The following CABIN1 variants were observed in gnomAD, a reference collection of about 807,000 sequenced individuals.
CABIN1 encodes the protein calcineurin binding protein 1.
In CABIN1, 133 loss-of-function variants were observed where a neutral mutation model predicts 227.7. The ratio of observed to expected loss-of-function variants is 0.58; its 90% CI spans 0.51 to 0.67. The LOEUF is 0.67. Among genes scored for constraint, CABIN1 ranks in the 30% least tolerant of loss-of-function variants. The probability of loss-of-function intolerance (pLI) is 0.00; values close to 1 mark genes in which losing one functional copy is unlikely to be tolerated. For missense variants in CABIN1, 2,408 were observed against 2,852.5 expected (o/e 0.84, Z 3.55); for synonymous variants, 1,086 against 1,155.1 (o/e 0.94, Z 1.21).
At chr22:24,039,777 A>G (rs965739236) in intron 4 of CABIN1, among the ~76,000 whole-genome samples, 6 of 152,284 alleles carry the variant, frequency 3.9e-5, no homozygotes, top group African/African-American at 1.4e-4. Context: ...AAGGGACAAC[A>G]TGCTCATTGT....
At chr22:24,103,834 A>G (rs2042353221) in intron 26 of CABIN1, among the ~76,000 whole-genome samples, 1 of 152,120 alleles carries the variant, frequency 6.6e-6, no homozygotes, top group Non-Finnish European at 1.5e-5. Context: ...TGGTGCCTTG[A>G]TTCCTGCTCC....
intron 24 of CABIN1, 53 bp downstream of exon 24, chr22:24,091,896 C>T: frequency 6.2e-7 from 1 of 1,601,336 alleles, no homozygotes; most frequent in Non-Finnish European, 8.5e-7. Context: ...AGGCTGGTTT[C>T]TTTATCTCCC....
intron 29 of CABIN1, among the ~76,000 whole-genome samples, chr22:24,139,711 A>G (rs1211474838): frequency 6.6e-6 from 1 of 152,144 alleles, no homozygotes; most frequent in East Asian, 1.9e-4. Context: ...GGACACATGT[A>G]TGGGCCCAGT....
At chr22:24,146,046 T>A (rs931183949) in intron 29 of CABIN1, among the ~76,000 whole-genome samples, 1 of 152,116 alleles carries the variant, frequency 6.6e-6, no homozygotes, top group African/African-American at 2.4e-5. Context: ...ATCACTAAGA[T>A]TAACTGAGGT....
At chr22:24,129,510 G>A (rs1302309630) in intron 28 of CABIN1, among the ~76,000 whole-genome samples, 1 of 152,178 alleles carries the variant, frequency 6.6e-6, no homozygotes, top group South Asian at 2.1e-4. Flanking sequence ...CCTGACATAC[G>A]CTTCCTTCCC....
chr22:24,139,551 G>A (rs1342309941), intron 29 of CABIN1, among the ~76,000 whole-genome samples: 1 of 150,640 alleles, frequency 6.6e-6, no homozygotes. Flanking sequence ...GGGCGACAGA[G>A]CAAGACTCCG....
At chr22:24,130,449 T>G (rs1451171708) in intron 28 of CABIN1, among the ~76,000 whole-genome samples, 1 of 152,164 alleles carries the variant, frequency 6.6e-6, no homozygotes, top group Non-Finnish European at 1.5e-5. Context: ...CTCTTGAATT[T>G]CTCTGAGCCT....
Position 24,064,083 on chromosome 22 carries a change from C to T in CABIN1, c.1933C>T (p.Leu645Phe). The change falls in exon 15 of 37, where the codon CTC becomes TTC. Residue 645 changes from leucine (L) to phenylalanine (F), a missense_variant. Coordinates refer to ENST00000263119, the MANE Select transcript of CABIN1 (RefSeq NM_012295.4). ...LENYDICTEM[L>F]QSSTAIQVEA... Reference sequence around the variant, plus strand: ...GAACTATGACATCTGCACAGAAATGCTCCAGAGTTCCACCGCCATCCAGGT... The same window carrying T: ...GAACTATGACATCTGCACAGAAATGTTCCAGAGTTCCACCGCCATCCAGGT... The T allele has an allele frequency of 6.2e-7, 1 of 1,614,178 alleles. No individual in the cohort carries two copies. The highest frequency in any genetic ancestry group is 8.5e-7 in the Non-Finnish European group (1 of 1,180,024).
intron 2 of CABIN1, among the ~76,000 whole-genome samples, chr22:24,035,726 GA>G (rs1368839380): frequency 5.3e-5 from 8 of 152,058 alleles, no homozygotes; most frequent in African/African-American, 1.9e-4. Context: ...ACAGTTGCTG[GA>G]AAGACATAAA....
chr22:24,092,988 C>T (rs1204068456), intron 24 of CABIN1, among the ~76,000 whole-genome samples: 1 of 152,182 alleles, frequency 6.6e-6, no homozygotes, highest in Non-Finnish European at 1.5e-5. Context: ...TGTTTATCTG[C>T]ACGGACCCTT....
At chr22:24,117,318 CA>C (rs2043143312) in intron 27 of CABIN1, among the ~76,000 whole-genome samples, 1 of 152,214 alleles carries the variant, frequency 6.6e-6, no homozygotes, top group South Asian at 2.1e-4. Flanking sequence ...CCTCCTGCCT[CA>C]GCCTCCCGAG....
chr22:24,107,713 A>G (rs1240547790), intron 26 of CABIN1, among the ~76,000 whole-genome samples: 4 of 152,136 alleles, frequency 2.6e-5, no homozygotes, highest in South Asian at 2.1e-4. Flanking sequence ...GCCTAAACCA[A>G]TCCTTAGTTT....
At chr22:24,044,185 C>T (rs1274605237) in intron 6 of CABIN1, among the ~76,000 whole-genome samples, 1 of 152,152 alleles carries the variant, frequency 6.6e-6, no homozygotes, top group Non-Finnish European at 1.5e-5. Flanking sequence ...AGAAGTAGCC[C>T]CACCCTTTAA....
At chr22:24,160,806 C>T (rs1030045042) in intron 29 of CABIN1, among the ~76,000 whole-genome samples, 1 of 152,280 alleles carries the variant, frequency 6.6e-6, no homozygotes, top group Non-Finnish European at 1.5e-5. Context: ...GCACAGCCCT[C>T]CTGCCCCCAG....
intron 23 of CABIN1, among the ~76,000 whole-genome samples, chr22:24,089,158 A>G (rs376664034): frequency 6.6e-6 from 1 of 152,164 alleles, no homozygotes; most frequent in East Asian, 1.9e-4. Flanking sequence ...ATGATGGCAA[A>G]TGAGATTTGG....
chr22:24,067,100 C>T lies in CABIN1; in HGVS notation c.2151C>T (p.Cys717=). The T allele has an allele frequency of 6.2e-7, 1 of 1,614,204 alleles. No homozygotes were observed. Among genetic ancestry groups the T allele is most frequent in the Non-Finnish European group, 8.5e-7 (1 of 1,180,014 alleles). ...TGCATCTGCTCCGCCCCACTTTGTGCACCAGTGGGTTTGACCGGGCCAAAC... is the reference window on the plus strand; with the variant it reads ...TGCATCTGCTCCGCCCCACTTTGTGTACCAGTGGGTTTGACCGGGCCAAAC... ...AVVHLLRPTL[C]TSGFDRAKHL... The change falls in exon 16 of 37, where the codon TGC becomes TGT. Residue 717 remains cysteine (C), a synonymous_variant. Coordinates refer to ENST00000263119, the MANE Select transcript of CABIN1 (RefSeq NM_012295.4).
chr22:24,014,999 C>A, intron 1 of CABIN1, among the ~76,000 whole-genome samples: 1 of 152,030 alleles, frequency 6.6e-6, no homozygotes, highest in East Asian at 1.9e-4. Context: ...CGTGGTGGCT[C>A]ATGCCTGTAA....
At chr22:24,047,736 A>G (rs2038008000) in intron 6 of CABIN1, among the ~76,000 whole-genome samples, 1 of 152,058 alleles carries the variant, frequency 6.6e-6, no homozygotes, top group Non-Finnish European at 1.5e-5. Context: ...GCAGATTTCT[A>G]CTTCTGCTCT....
rs531024033 is a variant in CABIN1, at chr22:24,139,442, T to C, written c.4746+5027T>C. On this transcript the variant is annotated intron_variant, in intron 29 of 36. Coordinates refer to ENST00000263119, the MANE Select transcript of CABIN1 (RefSeq NM_012295.4). ...TTAGCCGGGCGTGGTGGTGCATGCC[T>C]GTAGTCCCAGCTAGTCAGGAGGCTG... 2.6e-5 allele frequency among the ~76,000 whole-genome samples: 4 copies of C among 152,234 alleles called. No homozygotes were observed. The East Asian group carries it at 7.7e-4, about 29-fold the overall frequency.
Sources: allele counts gnomAD v4.1 joint callset (sites outside exome capture counted in the v4.1 genomes callset), GRCh38; gene constraint gnomAD v4.1.1; transcripts MANE v1.5; gene names NCBI Gene and HGNC (gene_info 2026-07-23, HGNC 2026-07-21).